The following ATAD3B variants were observed in gnomAD, a reference collection of about 807,000 sequenced individuals.
ATAD3B encodes ATPase family AAA domain-containing protein 3B.
A neutral mutation model predicts 70.2 loss-of-function variants in ATAD3B; 59 were observed. The ratio of observed to expected loss-of-function variants is 0.84; its 90% CI spans 0.68 to 1.04. The LOEUF (loss-of-function observed/expected upper bound fraction) is 1.04. Among genes scored for constraint, ATAD3B ranks in the 50% least tolerant of loss-of-function variants. The pLI, the probability that ATAD3B is intolerant of heterozygous loss-of-function variation, is 0.00. For synonymous variants in ATAD3B, 423 were observed against 388.6 expected (o/e 1.09, Z -1.04); for missense variants, 961 against 913.4 (o/e 1.05, Z -0.67).
chr1:1,492,268 C>T (rs1042205247), intron 15 of ATAD3B, among the ~76,000 whole-genome samples: 4 of 151,890 alleles, frequency 2.6e-5, no homozygotes, highest in African/African-American at 9.7e-5. Flanking sequence ...GAGAAGATCA[C>T]TTGAGGTCAG....
At chr1:1,478,070 C>T (rs1570202789) in intron 2 of ATAD3B, 3 of 186,296 alleles carry the variant, frequency 1.6e-5, no homozygotes, top group South Asian at 2.1e-4. Flanking sequence ...GGTTTGATCT[C>T]GGCTCACTGC....
At chr1:1,477,154 G>T (rs865842188) in intron 1 of ATAD3B, 120 bp from the exon 2 acceptor site, 4 of 1,352,558 alleles carry the variant, frequency 3.0e-6, no homozygotes, top group Non-Finnish European at 4.1e-6. Context: ...GATTACAGGC[G>T]TGAACCACCG....
In ATAD3B at chr1:1,496,334, G is replaced by A; in HGVS notation, c.*517G>A. On this transcript the variant is annotated 3_prime_UTR_variant, in exon 16 of 16. Coordinates refer to ENST00000673477, the MANE Select transcript of ATAD3B (RefSeq NM_031921.6). ...GAATTTACTGATCACAGAGCGGTGT[G>A]CTTCACATCAGCCTCGCGCCACATC... The A allele has an allele frequency of 1.2e-6, 1 of 816,418 alleles. No homozygotes were observed. Among genetic ancestry groups the A allele is most frequent in the Non-Finnish European group, 1.5e-6 (1 of 675,172 alleles). 50.6% of individuals were successfully genotyped at this position (816,418 alleles called of 1,614,324 possible). A position where few individuals can be genotyped will look rare whatever the true frequency, so the allele number is the denominator to read the frequency against.
At chr1:1,500,955 C>T (rs1420680783), downstream of ATAD3B, among the ~76,000 whole-genome samples, 2 of 152,102 alleles carry the variant, frequency 1.3e-5, 1 homozygote, top group Non-Finnish European at 2.9e-5. Context: ...AGACTCCTCT[C>T]AAAAGCCACT....
At chr1:1,499,125 C>T (rs149434212), downstream of ATAD3B, among the ~76,000 whole-genome samples, 4,083 of 151,972 alleles carry the variant, frequency 0.027, 78 homozygotes, top group Non-Finnish European at 0.04. Context: ...GTGCCCGCCA[C>T]CACGCCCAGC....
downstream of ATAD3B, among the ~76,000 whole-genome samples, chr1:1,502,128 C>T (rs1264627075): frequency 6.6e-6 from 1 of 152,092 alleles, no homozygotes; most frequent in African/African-American, 2.4e-5. Context: ...ATCCGCCTGC[C>T]TCGGTCTCCC....
intron 11 of ATAD3B, 56 bp from the exon 12 acceptor site, chr1:1,487,807 C>CT (rs1640309144): frequency 1.2e-6 from 2 of 1,600,262 alleles, no homozygotes; most frequent in East Asian, 4.5e-5. Flanking sequence ...CCGGACGCTG[C>CT]TGTGGGCTGC....
At chr1:1,474,592 G>T (rs1366077621) in intron 1 of ATAD3B, among the ~76,000 whole-genome samples, 2 of 149,294 alleles carry the variant, frequency 1.3e-5, no homozygotes, top group Admixed American at 1.3e-4. Flanking sequence ...CTTTGCCTTT[G>T]GGGTTCAAGC....
the ATAD3B span, among the ~76,000 whole-genome samples, chr1:1,508,361 C>T: frequency 0.031 from 4,658 of 151,262 alleles, 458 homozygotes; most frequent in African/African-American, 0.11. Context: ...ATCGTGGCGA[C>T]GGTGTTGTGG....
In ATAD3B at chr1:1,487,828, ACT is replaced by A. The variant is rs749717160; in HGVS notation, c.1215-31_1215-30del. ...GCTGCTGTGGGCTGCTCCTGGCGTC[ACT>A]CTCGCCTTGCTTGGCCTCTCTCTCG... is the stretch of plus-strand genomic sequence containing the variant. On this transcript the variant is annotated intron_variant, in intron 11 of 15. Transcript: ENST00000673477. 40 of 1,610,400 alleles carry A rather than the reference ACT, an allele frequency of 2.5e-5. No individual in the cohort carries two copies. In the East Asian group the frequency reaches 6.0e-4, roughly 24 times the overall value.
At chr1:1,499,222 C>G (rs1223648084), downstream of ATAD3B, among the ~76,000 whole-genome samples, 1 of 151,006 alleles carries the variant, frequency 6.6e-6, no homozygotes, top group Admixed American at 6.6e-5. Flanking sequence ...CCGCCCGCCT[C>G]GACCTCCCAA....
rs1639639871 is a variant in ATAD3B, at chr1:1,477,271, C to T, written c.206-3C>T. 1 of 1,612,336 alleles carries T rather than the reference C, an allele frequency of 6.2e-7. No homozygotes were observed. Among genetic ancestry groups the T allele is most frequent in the Non-Finnish European group, 8.5e-7 (1 of 1,179,632 alleles). On this transcript the variant is annotated splice_region_variant and splice_polypyrimidine_tract_variant and intron_variant, in intron 1 of 15. Coordinates refer to ENST00000673477, the MANE Select transcript of ATAD3B (RefSeq NM_031921.6). ...CTGCTCTCCGTGCCACATGCGCCCGCAGGTTACGCCAAGGAGGCCCTGAAT... is the reference window on the plus strand; with the variant it reads ...CTGCTCTCCGTGCCACATGCGCCCGTAGGTTACGCCAAGGAGGCCCTGAAT...
chr1:1,485,309 G>A, intron 8 of ATAD3B, 138 bp downstream of exon 8: 3 of 1,418,874 alleles, frequency 2.1e-6, no homozygotes, highest in Non-Finnish European at 1.9e-6. Flanking sequence ...TTCACGGGTG[G>A]GTTTTCCTGT....
chr1:1,498,133 A>G (rs1435204473), downstream of ATAD3B, among the ~76,000 whole-genome samples: 9 of 150,620 alleles, frequency 6.0e-5, no homozygotes, highest in African/African-American at 2.2e-4. Flanking sequence ...TGAAACCCCC[A>G]TCTCTATTAA....
At chr1:1,498,675 T>C (rs1200749320), downstream of ATAD3B, among the ~76,000 whole-genome samples, 1 of 151,314 alleles carries the variant, frequency 6.6e-6, no homozygotes, top group Non-Finnish European at 1.5e-5. Context: ...CCCAAAGTGT[T>C]GGGGTTACAG....
rs1570171926 is a variant in ATAD3B, at chr1:1,471,905, T to C, written c.21T>C (p.Val7=). ...CGAGCATGTCGTGGCTCTTCGGCGT[T>C]AACAAGGGCCCCAAGGGTGAAGGCG... MSWLFG[V]NKGPKGEGAG... Residue 7 remains valine (V), a synonymous_variant, in exon 1 of 16, where the codon GTT becomes GTC. Transcript: ENST00000673477. 7.9e-7 allele frequency: 1 copy of C among 1,273,076 alleles called. No homozygotes were observed. Among genetic ancestry groups the C allele is most frequent in the Non-Finnish European group, 1.0e-6 (1 of 1,004,678 alleles). 78.9% of individuals were successfully genotyped at this position (1,273,076 alleles called of 1,614,324 possible). A position where few individuals can be genotyped will look rare whatever the true frequency, so the allele number is the denominator to read the frequency against.
chr1:1,489,029 C>T (rs1405108136), intron 12 of ATAD3B, among the ~76,000 whole-genome samples, 175 bp from the exon 13 acceptor site: 2 of 151,904 alleles, frequency 1.3e-5, no homozygotes, highest in African/African-American at 4.8e-5. Flanking sequence ...TCCCAAAATG[C>T]TGGGTTACAT....
At chr1:1,484,091 G>A (rs541898450) in intron 7 of ATAD3B, 28 of 152,230 alleles carry the variant, frequency 1.8e-4, no homozygotes, top group Admixed American at 1.3e-3. Context: ...GGCTTTAAAC[G>A]AGAGAAGAAT....
chr1:1,476,454 G>A (rs1301629324), intron 1 of ATAD3B, among the ~76,000 whole-genome samples: 1 of 151,580 alleles, frequency 6.6e-6, no homozygotes, highest in Non-Finnish European at 1.5e-5. Context: ...CGGGAACAAC[G>A]CACCAACCCA....
Sources: allele counts gnomAD v4.1 joint callset (sites outside exome capture counted in the v4.1 genomes callset), GRCh38; gene constraint gnomAD v4.1.1; transcripts MANE v1.5; gene names NCBI Gene and HGNC (gene_info 2026-07-23, HGNC 2026-07-21).